Variants in NCK1 observed in about 807,000 individuals in gnomAD.
NCK1 encodes the protein NCK adaptor protein 1.
In NCK1, 19 loss-of-function variants were observed where a neutral mutation model predicts 36.6. The ratio of observed to expected loss-of-function variants is 0.52; its 90% CI spans 0.36 to 0.76. The LOEUF is 0.76. NCK1 is among the 30% of genes least tolerant of loss of function. NCK1 has a pLI of 0.00. For synonymous variants in NCK1, 165 were observed against 156.0 expected, an observed-to-expected ratio of 1.06 and a Z score of -0.43; for missense variants, 358 against 445.6, an observed-to-expected ratio of 0.80 and a Z score of 1.77.
At chr3:136,919,668 C>CTA (rs1940055208) in intron 1 of NCK1, among the ~76,000 whole-genome samples, 1 of 152,072 alleles carries the variant, frequency 6.6e-6, no homozygotes, top group South Asian at 2.1e-4. Flanking sequence ...ATAGGTATAG[C>CTA]TATATATTAA....
intron 1 of NCK1, among the ~76,000 whole-genome samples, chr3:136,920,070 A>T (rs1052993913): frequency 6.6e-6 from 1 of 152,148 alleles, no homozygotes; most frequent in African/African-American, 2.4e-5. Context: ...AGACAAGGCA[A>T]TTCATAAGAT....
chr3:136,922,108 G>C (rs1287583940), intron 1 of NCK1, among the ~76,000 whole-genome samples: 1 of 152,116 alleles, frequency 6.6e-6, no homozygotes, highest in African/African-American at 2.4e-5. Flanking sequence ...AGGGCAATAG[G>C]TGGTCCATGT....
intron 2 of NCK1, among the ~76,000 whole-genome samples, chr3:136,928,888 A>G (rs973947655): frequency 3.3e-5 from 5 of 151,210 alleles, no homozygotes; most frequent in African/African-American, 1.2e-4. Flanking sequence ...AAAAAAAATT[A>G]AACTCTCCTT....
intron 1 of NCK1, among the ~76,000 whole-genome samples, chr3:136,890,012 C>T (rs954693702): frequency 2.6e-5 from 4 of 152,158 alleles, no homozygotes; most frequent in African/African-American, 9.7e-5. Flanking sequence ...ACTCCTGAGC[C>T]CTTGGGTGGT....
intron 1 of NCK1, chr3:136,899,203 G>A (rs1939472644): frequency 4.2e-6 from 1 of 236,234 alleles, no homozygotes; most frequent in Non-Finnish European, 8.7e-6. Flanking sequence ...TCCAGATGCT[G>A]GTAGAACCAT....
intron 2 of NCK1, among the ~76,000 whole-genome samples, chr3:136,937,448 T>A (rs933713992): frequency 6.6e-6 from 1 of 152,206 alleles, no homozygotes; most frequent in Non-Finnish European, 1.5e-5. Flanking sequence ...TTGCTTAGGG[T>A]CCACCTTGCA....
At chr3:136,871,405 C>A (rs977099329) in intron 1 of NCK1, among the ~76,000 whole-genome samples, 14 of 151,896 alleles carry the variant, frequency 9.2e-5, no homozygotes, top group Non-Finnish European at 2.1e-4. Context: ...CTAAAAAAAA[C>A]AAAATTAAAA....
intron 1 of NCK1, among the ~76,000 whole-genome samples, chr3:136,889,481 G>C (rs554574816): frequency 6.6e-6 from 1 of 152,180 alleles, no homozygotes; most frequent in South Asian, 2.1e-4. Context: ...AGAGTAAGCA[G>C]TAGCAAGATT....
chr3:136,900,113 T>C lies in NCK1; in HGVS notation c.-18-27871T>C, dbSNP rs529352646. The C allele has an allele frequency of 1.5e-5, 6 of 399,236 alleles. No individual in the cohort carries two copies. In the East Asian group the frequency reaches 3.3e-4, roughly 22 times the overall value. 24.7% of individuals were successfully genotyped at this position (399,236 alleles called of 1,614,324 possible). On this transcript the variant is annotated intron_variant, in intron 1 of 3. Transcript: ENST00000481752. ...GGGCTTGATATTTACACTTCCCAAG[T>C]TCTTGTTGGCTGTAGTGGTGGTTTC... is the stretch of plus-strand genomic sequence containing the variant.
At chr3:136,894,076 G>A (rs149452067) in intron 1 of NCK1, among the ~76,000 whole-genome samples, 2 of 152,102 alleles carry the variant, frequency 1.3e-5, no homozygotes, top group African/African-American at 4.8e-5. Flanking sequence ...TGTACAACAG[G>A]TCCTAATAAT....
chr3:136,891,391 T>A (rs777593362), intron 1 of NCK1, among the ~76,000 whole-genome samples: 1 of 152,204 alleles, frequency 6.6e-6, no homozygotes, highest in Non-Finnish European at 1.5e-5. Context: ...CGCCTCAGCC[T>A]CCCAAAGTGC....
In NCK1 at chr3:136,945,431, A is replaced by T. The variant is rs191952779; in HGVS notation, c.227-152A>T. On this transcript the variant is annotated intron_variant, in intron 2 of 3. Transcript: ENST00000481752. Reference sequence around the variant, plus strand: ...GAAAATTTGCATCTTATTTCCAAAAAGATGATTTTTAACTACATAGAAATT... The same window carrying T: ...GAAAATTTGCATCTTATTTCCAAAATGATGATTTTTAACTACATAGAAATT... 1.0e-4 allele frequency: 54 copies of T among 527,694 alleles called. No individual in the cohort carries two copies. The Admixed American group carries it at 2.0e-3, about 20-fold the overall frequency. 32.7% of individuals were successfully genotyped at this position (527,694 alleles called of 1,614,324 possible).
At position 136,951,550 on chromosome 3, in the gene NCK1, G is replaced by A. The variant is rs1209444653; in HGVS notation, c.*3097G>A. The stretch of plus-strand genomic sequence containing the variant: ...GGATGGTCCTCTTATCTTTACCAGT[G>A]CACATGGTGAAAAAATTCAAACAGT... On this transcript the variant is annotated 3_prime_UTR_variant, in exon 4 of 4. Coordinates refer to ENST00000481752, the MANE Select transcript of NCK1 (RefSeq NM_001291999.2). Among the ~76,000 whole-genome samples the A allele has an allele frequency of 3.3e-5, 5 of 152,104 alleles. No homozygotes were observed. In the East Asian group the frequency reaches 5.8e-4, roughly 18 times the overall value.
chr3:136,866,410 C>G (rs1016879559), intron 1 of NCK1, among the ~76,000 whole-genome samples: 1 of 151,038 alleles, frequency 6.6e-6, no homozygotes. Flanking sequence ...CGGGTTCAAG[C>G]GATTCTCCTA....
intron 1 of NCK1, among the ~76,000 whole-genome samples, chr3:136,893,287 A>G (rs894393158): frequency 1.4e-4 from 21 of 151,370 alleles, no homozygotes; most frequent in African/African-American, 4.9e-4. Context: ...CAGTTCTTTA[A>G]GGAATCTGCG....
chr3:136,901,842 C>T (rs147520411), intron 1 of NCK1, among the ~76,000 whole-genome samples: 1 of 151,910 alleles, frequency 6.6e-6, no homozygotes, highest in African/African-American at 2.4e-5. Flanking sequence ...TTCTTTTGTG[C>T]TTTTTAAAAA....
chr3:136,871,883 G>A (rs748850817), intron 1 of NCK1, among the ~76,000 whole-genome samples: 3 of 152,202 alleles, frequency 2.0e-5, no homozygotes, highest in Non-Finnish European at 2.9e-5. Flanking sequence ...CTGCCGCCAT[G>A]TGAGAAGACA....
intron 1 of NCK1, among the ~76,000 whole-genome samples, chr3:136,904,906 A>C (rs79929954): frequency 2.7e-5 from 4 of 149,762 alleles, no homozygotes; most frequent in Admixed American, 6.7e-5. Context: ...TGTTCTGAGA[A>C]TCTTTTATCT....
At position 136,945,642 on chromosome 3, in the gene NCK1, A is replaced by G; in HGVS notation, c.286A>G (p.Ser96Gly). The G allele has an allele frequency of 1.2e-6, 2 of 1,614,042 alleles. No homozygotes were observed. The highest frequency in any genetic ancestry group is 1.7e-6 in the Non-Finnish European group (2 of 1,179,956). ...VPDSASPADD[S>G]FVDPGERLYD... ...AGATTCTGCATCTCCTGCTGATGAT[A>G]GTTTTGTTGACCCAGGGGAACGTCT... The change falls in exon 3 of 4, where the codon AGT becomes GGT. Residue 96 changes from serine to glycine, a missense_variant. By Grantham distance (56) the Ser-to-Gly change is moderately conservative (BLOSUM62 0). Around this residue, in one of 3 missense-constraint regions of NCK1, gnomAD observed 143 missense variants for 162.4 expected, o/e 0.88. Coordinates refer to ENST00000481752, the MANE Select transcript of NCK1 (RefSeq NM_001291999.2).
Sources: allele counts gnomAD v4.1 joint callset (sites outside exome capture counted in the v4.1 genomes callset), GRCh38; gene constraint gnomAD v4.1.1; regional missense constraint gnomAD v4.1.1; transcripts MANE v1.5; gene names NCBI Gene and HGNC (gene_info 2026-07-23, HGNC 2026-07-21).